The following ATG7 variants were observed in gnomAD, a reference collection of about 807,000 sequenced individuals.
The protein encoded by ATG7 is ubiquitin-like modifier-activating enzyme ATG7.
Under a neutral mutation model 82.4 loss-of-function variants are expected in ATG7, and 70 were observed. That is an observed-to-expected ratio of 0.85 (90% CI 0.70 to 1.04). ATG7 has a LOEUF of 1.04. ATG7 is among the 50% of genes least tolerant of loss of function. ATG7 has a pLI of 0.00. For missense variants in ATG7, 792 were observed against 864.3 expected, an observed-to-expected ratio of 0.92 and a Z score of 1.05; for synonymous variants, 287 against 313.0, an observed-to-expected ratio of 0.92 and a Z score of 0.88.
chr3:11,357,600 G>A (rs754494542), intron 14 of ATG7, among the ~76,000 whole-genome samples: 1 of 152,166 alleles, frequency 6.6e-6, no homozygotes, highest in Non-Finnish European at 1.5e-5. Flanking sequence ...GTAACCTTAT[G>A]TGAATGTATT....
intron 20 of ATG7, among the ~76,000 whole-genome samples, chr3:11,521,394 T>C (rs1419166405): frequency 1.3e-5 from 2 of 151,808 alleles, no homozygotes; most frequent in Admixed American, 1.3e-4. Flanking sequence ...GGGAGGGGTA[T>C]GTGGTGGTGG....
rs746676041 is a variant in ATG7, at chr3:11,345,206, C to T, written c.1126-2671C>T. Among the ~76,000 whole-genome samples the T allele has an allele frequency of 3.2e-4, 49 of 152,062 alleles. 2 individuals carry two copies. The Middle Eastern group carries it at 0.02, about 63-fold the overall frequency. On this transcript the variant is annotated intron_variant, in intron 13 of 20. Transcript: ENST00000693202. ...GGATCATGAGGTCAGGAGATCGAGA[C>T]CATCCTGGAGAACACGGTTGAAACC... is the stretch of plus-strand genomic sequence containing the variant.
Position 11,379,992 on chromosome 3 carries a change from G to T in ATG7, c.1896G>T (p.Arg632=). The change falls in exon 19 of 21, where the codon CGG becomes CGT. Residue 632 remains arginine (R), a synonymous_variant. Transcript: ENST00000693202. ...VPHQIRGFLS[R]FDNVLPVSLA... ...TTTAGATCCGGGGATTTCTTTCACG[G>T]TTTGATAATGTCCTTCCCGTCAGCC... 6.2e-7 allele frequency: 1 copy of T among 1,614,158 alleles called. No individual in the cohort carries two copies. The highest frequency in any genetic ancestry group is 8.5e-7 in the Non-Finnish European group (1 of 1,179,994).
At chr3:11,447,534 A>G (rs1188439580) in intron 20 of ATG7, among the ~76,000 whole-genome samples, 1 of 151,836 alleles carries the variant, frequency 6.6e-6, no homozygotes, top group East Asian at 1.9e-4. Context: ...GGCTTCAAGG[A>G]CTCTAGATGG....
intron 1 of ATG7, among the ~76,000 whole-genome samples, chr3:11,279,938 G>GTTTTTTTT (rs34457373): frequency 7.0e-6 from 1 of 143,602 alleles, no homozygotes; most frequent in African/African-American, 2.5e-5. Flanking sequence ...GGGGACCATA[G>GTTTTTTTT]TTTTTTTTTT....
chr3:11,309,088 C>T (rs774592955), intron 7 of ATG7, 27 bp downstream of exon 7: 29 of 1,595,468 alleles, frequency 1.8e-5, no homozygotes, highest in African/African-American at 2.7e-5. Context: ...TCGGTTGCAC[C>T]GAGGTTGGTG....
At chr3:11,459,181 A>AAAC (rs1371806181) in intron 20 of ATG7, among the ~76,000 whole-genome samples, 8 of 151,582 alleles carry the variant, frequency 5.3e-5, no homozygotes, top group African/African-American at 1.9e-4. Flanking sequence ...TTTAAAAAAA[A>AAAC]AAAAAAAACA....
chr3:11,471,804 G>C (rs2087576235), intron 20 of ATG7, among the ~76,000 whole-genome samples: 1 of 139,832 alleles, frequency 7.2e-6, no homozygotes, highest in African/African-American at 2.7e-5. Context: ...CAGTGGTACA[G>C]TCTCAGCTCA....
chr3:11,494,800 A>G (rs1428491876), intron 20 of ATG7, among the ~76,000 whole-genome samples: 1 of 152,184 alleles, frequency 6.6e-6, no homozygotes, highest in Non-Finnish European at 1.5e-5. Context: ...CAGGCCAGGC[A>G]TGGTGGCTCA....
chr3:11,486,985 T>G (rs1363452926), intron 20 of ATG7, among the ~76,000 whole-genome samples: 1 of 151,792 alleles, frequency 6.6e-6, no homozygotes, highest in African/African-American at 2.4e-5. Flanking sequence ...CCTGCGGCCT[T>G]CCGCAGTGTT....
rs1478475481 is a variant in ATG7 at position 11,540,907 on chromosome 3, T to TGGC, written c.2080-13902_2080-13901insCGG. ...AAAAATTTATAGTTTTAGCTTTTTT[T>TGGC]GGGGGGGGGAGGGGGGGAGTCTTGC... On this transcript the variant is annotated intron_variant, in intron 20 of 20. Transcript: ENST00000693202. 5.6e-3 allele frequency among the ~76,000 whole-genome samples: 196 copies of TGGC among 34,796 alleles called. 7 individuals carry two copies. The highest frequency in any genetic ancestry group is 0.042 in the Middle Eastern group (2 of 48). 22.8% of individuals were successfully genotyped at this position (34,796 alleles called of 152,430 possible).
chr3:11,416,298 T>A (rs992236127), intron 19 of ATG7, among the ~76,000 whole-genome samples: 4 of 152,210 alleles, frequency 2.6e-5, no homozygotes, highest in Non-Finnish European at 5.9e-5. Flanking sequence ...CTTTCTTAAA[T>A]GTTTGGCAGA....
At chr3:11,395,739 G>A (rs1001468687) in intron 19 of ATG7, among the ~76,000 whole-genome samples, 6 of 152,142 alleles carry the variant, frequency 3.9e-5, no homozygotes, top group South Asian at 2.1e-4. Flanking sequence ...AGGAGATCGA[G>A]ACCATCCTGG....
chr3:11,410,175 A>G (rs966158680), intron 19 of ATG7, among the ~76,000 whole-genome samples: 1 of 152,234 alleles, frequency 6.6e-6, no homozygotes, highest in African/African-American at 2.4e-5. Context: ...ATCTCGACAT[A>G]TTAAGTCCTC....
intron 9 of ATG7, among the ~76,000 whole-genome samples, chr3:11,327,670 C>T (rs1265812309): frequency 2.6e-5 from 4 of 152,314 alleles, no homozygotes; most frequent in East Asian, 3.9e-4. Context: ...GACTCCAGAT[C>T]GATTAAACCA....
At chr3:11,573,698 A>G in the ATG7 span, among the ~76,000 whole-genome samples, 1 of 152,216 alleles carries the variant, frequency 6.6e-6, no homozygotes, top group Non-Finnish European at 1.5e-5. Flanking sequence ...TTACCAGCGC[A>G]GTTGAGCATC....
chr3:11,393,683 A>AG (rs911277161), intron 19 of ATG7, among the ~76,000 whole-genome samples: 3 of 97,652 alleles, frequency 3.1e-5, no homozygotes, highest in African/African-American at 9.4e-5. Flanking sequence ...ATAGTTTTGT[A>AG]GGTTTTTTTT....
At chr3:11,489,241 CAG>C (rs1401679776) in intron 20 of ATG7, among the ~76,000 whole-genome samples, 1 of 152,204 alleles carries the variant, frequency 6.6e-6, no homozygotes, top group Admixed American at 6.5e-5. Flanking sequence ...TTTAAGTCTG[CAG>C]AGGTTACTGC....
intron 7 of ATG7, 74 bp from the exon 8 acceptor site, chr3:11,313,230 G>T: frequency 1.0e-6 from 1 of 959,608 alleles, no homozygotes; most frequent in Non-Finnish European, 1.5e-6. Flanking sequence ...GCCTTGAGAA[G>T]CTACATTAAT....
Sources: allele counts gnomAD v4.1 joint callset (sites outside exome capture counted in the v4.1 genomes callset), GRCh38; gene constraint gnomAD v4.1.1; transcripts MANE v1.5; gene names NCBI Gene and HGNC (gene_info 2026-07-23, HGNC 2026-07-21).